Variants in LNPK observed in about 807,000 individuals in gnomAD.
LNPK encodes the protein endoplasmic reticulum junction formation protein lunapark.
LNPK carries 29 observed loss-of-function variants against 55.2 expected under a neutral mutation model. The ratio of observed to expected loss-of-function variants is 0.53; its 90% CI spans 0.39 to 0.72. The LOEUF (loss-of-function observed/expected upper bound fraction) is 0.72. Among genes scored for constraint, LNPK ranks in the 30% least tolerant of loss-of-function variants. LNPK has a pLI of 0.00. For missense variants in LNPK, 467 were observed against 494.8 expected (o/e 0.94, Z 0.53); for synonymous variants, 162 against 168.2 (o/e 0.96, Z 0.29).
At chr2:175,982,374 T>C (rs1687215754) in intron 4 of LNPK, among the ~76,000 whole-genome samples, 1 of 152,194 alleles carries the variant, frequency 6.6e-6, no homozygotes. Context: ...AAATATACTC[T>C]CTTCAAAATA....
At position 175,969,265 on chromosome 2, in the gene LNPK, T is replaced by A. The variant is rs142043248; in HGVS notation, c.357+1499A>T. Reference sequence around the variant, plus strand: ...TTGATGCCTAATGAACCATTTAAACTTGCAGAGCTATTGAACTCAACTTTT... The same window carrying A: ...TTGATGCCTAATGAACCATTTAAACATGCAGAGCTATTGAACTCAACTTTT... On this transcript the variant is annotated intron_variant, in intron 6 of 12. Transcript: ENST00000272748. Among the ~76,000 whole-genome samples the A allele has an allele frequency of 1.0e-3, 159 of 152,364 alleles. 1 individual carries two copies. The highest frequency in any genetic ancestry group is 3.4e-3 in the African/African-American group (142 of 41,598).
rs538190852 is a variant in LNPK at position 175,930,067 on chromosome 2, T to G, written c.1187A>C (p.Glu396Ala). The G allele has an allele frequency of 8.7e-6, 14 of 1,614,140 alleles. No individual in the cohort carries two copies. The highest frequency in any genetic ancestry group is 4.4e-5 in the South Asian group (4 of 91,082). The change falls in exon 13 of 13, where the codon GAG becomes GCG. Residue 396 changes from glutamate to alanine, a missense_variant. Transcript: ENST00000272748. ...TTCAATCACTGAGGCTTCCTCATTC[T>G]CAGTCTCTTGTTTCTCCTCTGGTTC... Reference protein sequence around the residue: ...SEEPEEKQETENEEASVIETN... With the variant: ...SEEPEEKQETANEEASVIETN...
chr2:175,929,715 G>A lies in LNPK; in HGVS notation c.*252C>T. 2 of 1,296,850 alleles carry A rather than the reference G, an allele frequency of 1.5e-6. No individual in the cohort carries two copies. The highest frequency in any genetic ancestry group is 2.4e-5 in the South Asian group (1 of 42,060). The allele number at this position is 1,296,850 out of a possible 1,614,324, so 80.3% of individuals were successfully genotyped here. On this transcript the variant is annotated 3_prime_UTR_variant, in exon 13 of 13. Coordinates refer to ENST00000272748, the MANE Select transcript of LNPK (RefSeq NM_030650.3). ...GCTTACTTTTAGAATGGACAAAAAAGTATCTAAAAGCTGTCTCAATAGTGT... is the reference window on the plus strand; with the variant it reads ...GCTTACTTTTAGAATGGACAAAAAAATATCTAAAAGCTGTCTCAATAGTGT...
chr2:175,999,797 A>C (rs1489695063), intron 1 of LNPK, among the ~76,000 whole-genome samples: 1 of 152,166 alleles, frequency 6.6e-6, no homozygotes, highest in Non-Finnish European at 1.5e-5. Context: ...AGTCTCACTC[A>C]GTCTGTTGCC....
chr2:175,930,261 A>G, intron 12 of LNPK, 62 bp from the exon 13 acceptor site: 1 of 1,160,610 alleles, frequency 8.6e-7, no homozygotes, highest in Non-Finnish European at 1.3e-6. Flanking sequence ...TAAATAAGGC[A>G]AGCAAAAAAG....
At position 175,929,953 on chromosome 2, in the gene LNPK, C is replaced by T. The variant is rs972572828; in HGVS notation, c.*14G>A. The T allele has an allele frequency of 3.1e-6, 5 of 1,613,338 alleles. No homozygotes were observed. Among genetic ancestry groups the T allele is most frequent in the South Asian group, 1.1e-5 (1 of 91,004 alleles). On this transcript the variant is annotated 3_prime_UTR_variant, in exon 13 of 13. Coordinates refer to ENST00000272748, the MANE Select transcript of LNPK (RefSeq NM_030650.3). Reference sequence around the variant, plus strand: ...GACTATAAATATCCAGTTGAAGGCACGTGGAAGCATTTACTACTCTGCCGT... The same window carrying T: ...GACTATAAATATCCAGTTGAAGGCATGTGGAAGCATTTACTACTCTGCCGT...
rs541986432 is a variant in LNPK, at chr2:175,929,038, A to C, written c.*929T>G. On this transcript the variant is annotated 3_prime_UTR_variant, in exon 13 of 13. Transcript: ENST00000272748. ...CTACAGATTTATTGTATTGTGAGCT[A>C]TTCCTCCTAAGATTTTTCAGGTAGC... 19 of 783,106 alleles carry C rather than the reference A, an allele frequency of 2.4e-5. No homozygotes were observed. The South Asian group carries it at 9.9e-4, about 41-fold the overall frequency. The allele number at this position is 783,106 out of a possible 1,614,324, so 48.5% of individuals were successfully genotyped here. A position where few individuals can be genotyped will look rare whatever the true frequency, so the allele number is the denominator to read the frequency against.
At chr2:175,968,965 C>T (rs113041472) in intron 6 of LNPK, among the ~76,000 whole-genome samples, 7 of 151,906 alleles carry the variant, frequency 4.6e-5, no homozygotes, top group African/African-American at 1.7e-4. Context: ...TCGCAGTGAC[C>T]CGAGATTGCA....
chr2:175,995,693 T>C (rs1215845971), intron 1 of LNPK, 47 bp from the exon 2 acceptor site: 2 of 860,630 alleles, frequency 2.3e-6, no homozygotes, highest in African/African-American at 1.7e-5. Context: ...ACACACAGCA[T>C]ACCCACTATA....
chr2:175,964,826 TGAG>T (rs1408361815), intron 6 of LNPK, among the ~76,000 whole-genome samples: 7 of 152,176 alleles, frequency 4.6e-5, no homozygotes, highest in African/African-American at 7.2e-5. Context: ...TTACATATAA[TGAG>T]GAGAATAATT....
chr2:175,929,894 G>A lies in LNPK; in HGVS notation c.*73C>T, dbSNP rs750776086. On this transcript the variant is annotated 3_prime_UTR_variant, in exon 13 of 13. Transcript: ENST00000272748. ...ACCCTTAGAGGGGCAAAAAAAGTAA[G>A]TGCCACCGAAAAAGCAATAACTGAC... The A allele has an allele frequency of 1.3e-6, 2 of 1,582,302 alleles. No homozygotes were observed. The highest frequency in any genetic ancestry group is 1.7e-6 in the Non-Finnish European group (2 of 1,164,320).
At chr2:175,970,879 G>A (rs562872243) in intron 5 of LNPK, 75 bp from the exon 6 acceptor site, 3 of 1,224,014 alleles carry the variant, frequency 2.5e-6, no homozygotes, top group Admixed American at 3.0e-5. Flanking sequence ...ACACACGGTA[G>A]CAAACACAAG....
intron 5 of LNPK, among the ~76,000 whole-genome samples, chr2:175,971,861 T>G (rs1326402818): frequency 1.3e-5 from 2 of 152,174 alleles, no homozygotes; most frequent in East Asian, 3.8e-4. Context: ...GCAAACTTAT[T>G]CTGTAAAGGA....
chr2:176,000,274 T>G (rs148935711), intron 1 of LNPK, among the ~76,000 whole-genome samples: 4,881 of 152,310 alleles, frequency 0.032, 100 homozygotes, highest in Middle Eastern at 0.054. Flanking sequence ...CTATGCAATC[T>G]TGAGCAGATT....
intron 6 of LNPK, among the ~76,000 whole-genome samples, chr2:175,968,873 C>A (rs967227825): frequency 1.3e-5 from 2 of 152,080 alleles, no homozygotes; most frequent in Non-Finnish European, 2.9e-5. Flanking sequence ...ACAAAATTAG[C>A]CAGGTGTGGT....
Position 175,929,586 on chromosome 2 carries a change from A to G in LNPK, c.*381T>C, listed in dbSNP as rs1684164234. 1 of 1,002,356 alleles carries G rather than the reference A, an allele frequency of 1.0e-6. No homozygotes were observed. Among genetic ancestry groups the G allele is most frequent in the South Asian group, 4.5e-5 (1 of 22,234 alleles). 62.1% of individuals were successfully genotyped at this position (1,002,356 alleles called of 1,614,324 possible). On this transcript the variant is annotated 3_prime_UTR_variant, in exon 13 of 13. Transcript: ENST00000272748. ...AAATCTTAACCAAGTTTCATTCCTT[A>G]AAACAAACACAATTAGAGAACTTAC...
chr2:175,947,659 A>C lies in LNPK; in HGVS notation c.527T>G (p.Leu176Arg), dbSNP rs151239204. ...GTTAGGGCTTGCTGGTGTTGGAGAAAGGTTTCTTTGAGCTGCAGTTCGCTG... is the reference window on the plus strand; with the variant it reads ...GTTAGGGCTTGCTGGTGTTGGAGAACGGTTTCTTTGAGCTGCAGTTCGCTG... ...IRQRTAAQRN[L>R]SPTPASPNQG... The change falls in exon 9 of 13, where the codon CTT (leucine) becomes CGT (arginine). Residue 176 changes from leucine (L) to arginine (R), a missense_variant. Physicochemically the swap from Leu to Arg is moderately radical, Grantham distance 102 (BLOSUM62 -2). Transcript: ENST00000272748. 28 of 1,613,492 alleles carry C rather than the reference A, an allele frequency of 1.7e-5. 1 individual carries two copies. In the African/African-American group the frequency reaches 3.6e-4, roughly 21 times the overall value.
rs765332981 is a variant in LNPK, at chr2:175,937,518, C to T, written c.884-4G>A. 1.2e-6 allele frequency: 2 copies of T among 1,602,536 alleles called. No individual in the cohort carries two copies. Among genetic ancestry groups the T allele is most frequent in the East Asian group, 2.2e-5 (1 of 44,662 alleles). On this transcript the variant is annotated splice_region_variant and splice_polypyrimidine_tract_variant and intron_variant, in intron 11 of 12. Coordinates refer to ENST00000272748, the MANE Select transcript of LNPK (RefSeq NM_030650.3). ...AAACAGTAGGCACATCGAAAAGCTG[C>T]AGAGAATTTTTTAAAAATAAGCAAA...
chr2:175,963,945 C>A (rs1686201581), intron 8 of LNPK, among the ~76,000 whole-genome samples: 1 of 151,608 alleles, frequency 6.6e-6, no homozygotes, highest in African/African-American at 2.4e-5. Flanking sequence ...TTTCTTATTT[C>A]TAAATTATTT....
Sources: gnomAD v4.1 joint callset for allele counts (sites outside exome capture counted in the v4.1 genomes callset) on GRCh38, gnomAD v4.1.1 for gene constraint, MANE v1.5 for transcripts, NCBI Gene and HGNC (gene_info 2026-07-23, HGNC 2026-07-21) for gene names.